TMEM182: variants seen among roughly 807,000 people sequenced by gnomAD.
TMEM182 encodes transmembrane protein 182.
A neutral mutation model predicts 26.8 loss-of-function variants in TMEM182; 20 were observed. The observed-to-expected ratio is 0.75, with a 90% CI of 0.53 to 1.09. TMEM182 has a LOEUF of 1.09. Among genes scored for constraint, TMEM182 ranks in the 50% least tolerant of loss-of-function variants. The pLI is 0.00. For missense variants in TMEM182, 277 were observed against 275.5 expected, an observed-to-expected ratio of 1.01 and a Z score of -0.04; for synonymous variants, 109 against 102.2, an observed-to-expected ratio of 1.07 and a Z score of -0.40.
chr2:102,805,471 G>A (rs1212589440), intron 4 of TMEM182, among the ~76,000 whole-genome samples: 2 of 152,154 alleles, frequency 1.3e-5, no homozygotes, highest in Non-Finnish European at 2.9e-5. Context: ...CTCCAACCTT[G>A]TTGGAGACAT....
rs538708310 is a variant in TMEM182, at chr2:102,775,984, G to C, written c.331+11557G>C. On this transcript the variant is annotated intron_variant, in intron 3 of 4. Coordinates refer to ENST00000412401, the MANE Select transcript of TMEM182 (RefSeq NM_144632.5). ...TTATATTTTAAATTTCATTCTCCAT[G>C]TGTTTATTGCTAGTATATAGAAATG... Among the ~76,000 whole-genome samples the C allele has an allele frequency of 7.9e-5, 12 of 152,074 alleles. No individual in the cohort carries two copies. The South Asian group carries it at 1.2e-3, about 16-fold the overall frequency.
At chr2:102,838,043 C>G (rs1208065840) in intron 3 of TMEM182, among the ~76,000 whole-genome samples, 1 of 152,172 alleles carries the variant, frequency 6.6e-6, no homozygotes, top group Non-Finnish European at 1.5e-5. Context: ...CCAAGGTAAC[C>G]CTACCCCGGA....
chr2:102,823,210 A>G (rs1395594834), intron 3 of TMEM182, among the ~76,000 whole-genome samples: 1 of 152,220 alleles, frequency 6.6e-6, no homozygotes, highest in Admixed American at 6.5e-5. Flanking sequence ...TTTCTAGATA[A>G]GCATTTGAGA....
At chr2:102,743,028 CTTA>C (rs927738686) in intron 1 of TMEM182, among the ~76,000 whole-genome samples, 1 of 152,032 alleles carries the variant, frequency 6.6e-6, no homozygotes, top group Non-Finnish European at 1.5e-5. Context: ...TTTTATTTTT[CTTA>C]TTATTAATTG....
chr2:102,788,119 G>A (rs960030486), intron 3 of TMEM182, among the ~76,000 whole-genome samples: 5 of 152,170 alleles, frequency 3.3e-5, no homozygotes, highest in Non-Finnish European at 5.9e-5. Context: ...ATGTTGCCCA[G>A]GCTGGATTTG....
At chr2:102,758,582 C>A, upstream of TMEM182, 1 of 689,254 alleles carries the variant, frequency 1.5e-6, no homozygotes, top group Non-Finnish European at 2.7e-6. Flanking sequence ...ATCCAGCTCT[C>A]CAGAGCTTAA....
At position 102,740,761 on chromosome 2, in the gene TMEM182, C is replaced by T. The variant is rs150782728; in HGVS notation, c.-83+3748C>T. Among the ~76,000 whole-genome samples, 49 of 152,256 alleles carry T rather than the reference C, an allele frequency of 3.2e-4. No individual in the cohort carries two copies. The East Asian group carries it at 5.0e-3, about 16-fold the overall frequency. On this transcript the variant is annotated intron_variant, in intron 1 of 5. Transcript: ENST00000409173. ...ACATATATGTAAACAAGGTGTTGTA[C>T]ACAGATATCCATACAAGCCTTATTT...
At chr2:102,822,964 GTACTAGT>G (rs1682957136) in intron 3 of TMEM182, among the ~76,000 whole-genome samples, 1 of 152,196 alleles carries the variant, frequency 6.6e-6, no homozygotes. Context: ...CACTTAGTAT[GTACTAGT>G]TCCAGCATCA....
Position 102,789,913 on chromosome 2 carries a change from G to A in TMEM182, c.332-7950G>A, listed in dbSNP as rs182936097. On this transcript the variant is annotated intron_variant, in intron 3 of 4. Coordinates refer to ENST00000412401, the MANE Select transcript of TMEM182 (RefSeq NM_144632.5). ...CATGGAACTCTTTCCCTCTCTGATT[G>A]GCATGGCCTTGCTCCTGCCTTCTGC... 3.9e-5 allele frequency among the ~76,000 whole-genome samples: 6 copies of A among 152,222 alleles called. No individual in the cohort carries two copies. In the East Asian group the frequency reaches 1.2e-3, roughly 29 times the overall value.
rs532195331 is a variant in TMEM182, at chr2:102,753,915, A to G, written c.-82-4474A>G. Among the ~76,000 whole-genome samples, 4 of 152,332 alleles carry G rather than the reference A, an allele frequency of 2.6e-5. No individual in the cohort carries two copies. The South Asian group carries it at 6.2e-4, about 24-fold the overall frequency. On this transcript the variant is annotated intron_variant, in intron 1 of 5. Transcript: ENST00000409173. ...ATAGTTTATTTGTTGTTCTTGTACT[A>G]TATGTAAGACTAGAAAACCTGTGAA...
At chr2:102,772,804 A>C (rs572826776) in intron 3 of TMEM182, among the ~76,000 whole-genome samples, 38 of 152,308 alleles carry the variant, frequency 2.5e-4, no homozygotes, top group African/African-American at 7.7e-4. Context: ...AGTCGTTGCC[A>C]TGTAGTTGGT....
intron 3 of TMEM182, among the ~76,000 whole-genome samples, chr2:102,825,333 G>A (rs1287112993): frequency 1.3e-5 from 2 of 152,252 alleles, no homozygotes; most frequent in African/African-American, 2.4e-5. Context: ...TGCCCTCAGA[G>A]TCAAGTGGTG....
At chr2:102,824,076 T>C (rs1256931207) in intron 3 of TMEM182, among the ~76,000 whole-genome samples, 8 of 152,196 alleles carry the variant, frequency 5.3e-5, no homozygotes, top group Non-Finnish European at 5.9e-5. Flanking sequence ...ATTTGGACTC[T>C]AAACAATTCC....
chr2:102,833,457 G>A (rs543427542), intron 3 of TMEM182, among the ~76,000 whole-genome samples: 80 of 152,130 alleles, frequency 5.3e-4, no homozygotes, highest in African/African-American at 1.7e-3. Context: ...AAATTTAGAC[G>A]TATAGAGGAG....
chr2:102,774,282 A>G (rs1010060893), intron 3 of TMEM182, among the ~76,000 whole-genome samples: 3 of 133,084 alleles, frequency 2.3e-5, no homozygotes, highest in Non-Finnish European at 4.7e-5. Flanking sequence ...TGGTGACAGA[A>G]TCTCGTCCTG....
At chr2:102,753,822 C>A (rs1055356105) in intron 1 of TMEM182, among the ~76,000 whole-genome samples, 4 of 152,200 alleles carry the variant, frequency 2.6e-5, no homozygotes, top group African/African-American at 7.2e-5. Context: ...TGAGCACCTA[C>A]CTTACAGCAT....
rs186363126 is a variant in TMEM182, at chr2:102,834,302, C to A, written c.326-9110C>A. ...CAACAGTCTCTGTAAAGAAAAAAAC[C>A]CTCATCCATTTACCATCTTAGGACT... On this transcript the variant is annotated intron_variant, in intron 3 of 3. Coordinates refer to the TMEM182 transcript ENST00000486293. 3.7e-6 allele frequency: 3 copies of A among 810,240 alleles called. No homozygotes were observed. In the African/African-American group the frequency reaches 5.6e-5, roughly 15 times the overall value. 50.2% of individuals were successfully genotyped at this position (810,240 alleles called of 1,614,324 possible).
intron 4 of TMEM182, among the ~76,000 whole-genome samples, chr2:102,804,742 GA>G (rs563224838): frequency 6.0e-5 from 9 of 150,934 alleles, no homozygotes; most frequent in South Asian, 2.1e-4. Flanking sequence ...GTTGGTGGTG[GA>G]AAAAAAAAGT....
intron 3 of TMEM182, among the ~76,000 whole-genome samples, chr2:102,836,609 C>T (rs1683251376): frequency 6.6e-6 from 1 of 152,162 alleles, no homozygotes; most frequent in Non-Finnish European, 1.5e-5. Flanking sequence ...GCATAACTTG[C>T]CCAAGATTCC....
Sources: allele counts gnomAD v4.1 joint callset (sites outside exome capture counted in the v4.1 genomes callset), GRCh38; gene constraint gnomAD v4.1.1; transcripts MANE v1.5; gene names NCBI Gene and HGNC (gene_info 2026-07-23, HGNC 2026-07-21).